Variants in HMCN2 observed in about 807,000 individuals in gnomAD.
The protein encoded by HMCN2 is hemicentin-2.
HMCN2 carries 325 observed loss-of-function variants against 377.5 expected under a neutral mutation model. The observed-to-expected ratio is 0.86, with a 90% CI of 0.79 to 0.94. The LOEUF is 0.94. Among genes scored for constraint, HMCN2 ranks in the 40% least tolerant of loss-of-function variants. HMCN2 has a pLI of 0.00. For missense variants in HMCN2, 4,543 were observed against 4,725.3 expected (o/e 0.96, Z 1.13); for synonymous variants, 2,007 against 2,046.8 (o/e 0.98, Z 0.53).
At chr9:130,290,876 A>C (rs978081401) in intron 4 of HMCN2, among the ~76,000 whole-genome samples, 9 of 152,040 alleles carry the variant, frequency 5.9e-5, no homozygotes, top group African/African-American at 1.9e-4. Context: ...AAAAAAAAAA[A>C]AAAACAAAAA....
chr9:130,356,090 G>A lies in HMCN2; in HGVS notation c.5258G>A (p.Trp1753Ter), dbSNP rs1247375888. Residue 1753 changes from tryptophan to a stop codon, truncating the protein, a stop_gained and splice_region_variant, in exon 34 of 98, where the codon TGG (tryptophan) becomes TAG (stop). Transcript: ENST00000683500. LOFTEE classifies it high-confidence loss of function. Reference sequence around the variant, plus strand: ...GCCCCCCTCCCTACTCACCTTAGGTGGCTGCAGAATGGCCGCCCAGCCGAG... The same window carrying A: ...GCCCCCCTCCCTACTCACCTTAGGTAGCTGCAGAATGGCCGCCCAGCCGAG... ...ASGSPVPTIQ[W>*]LQNGRPAEEL... 12 of 1,284,844 alleles carry A rather than the reference G, an allele frequency of 9.3e-6. No homozygotes were observed. Among genetic ancestry groups the A allele is most frequent in the Non-Finnish European group, 1.1e-5 (11 of 982,560 alleles). The allele number at this position is 1,284,844 out of a possible 1,614,324, so 79.6% of individuals were successfully genotyped here. A position where few individuals can be genotyped will look rare whatever the true frequency, so the allele number is the denominator to read the frequency against.
In HMCN2 at chr9:130,359,380, C is replaced by A. The variant is rs1169909952; in HGVS notation, c.5739C>A (p.Thr1913=). 1 of 1,303,874 alleles carries A rather than the reference C, an allele frequency of 7.7e-7. No individual in the cohort carries two copies. Among genetic ancestry groups the A allele is most frequent in the Non-Finnish European group, 1.0e-6 (1 of 988,500 alleles). 80.8% of individuals were successfully genotyped at this position (1,303,874 alleles called of 1,614,324 possible). A position where few individuals can be genotyped will look rare whatever the true frequency, so the allele number is the denominator to read the frequency against. Reference sequence around the variant, plus strand: ...CAGTGCTGGAAAATGCCTCAGTGACCTTGGAGTGTCTGGCTTCGGGCGTGC... The same window carrying A: ...CAGTGCTGGAAAATGCCTCAGTGACATTGGAGTGTCTGGCTTCGGGCGTGC... ...NKAVLENASV[T]LECLASGVPP... The change falls in exon 37 of 98, where the codon ACC becomes ACA. Residue 1913 remains threonine (T), a synonymous_variant. Transcript: ENST00000683500.
At chr9:130,383,444 G>C (rs926504821) in intron 56 of HMCN2, 60 bp from the exon 57 acceptor site, 7 of 766,240 alleles carry the variant, frequency 9.1e-6, no homozygotes, top group Non-Finnish European at 1.1e-5. Flanking sequence ...GTCATTCCTG[G>C]GGGTGGTGGT....
intron 85 of HMCN2, 114 bp from the exon 86 acceptor site, chr9:130,418,656 TTC>T: frequency 1.1e-6 from 1 of 876,914 alleles, no homozygotes; most frequent in East Asian, 2.9e-5. Flanking sequence ...TCCTATGCAG[TTC>T]TTATTTTCTT....
intron 77 of HMCN2, 118 bp downstream of exon 77, chr9:130,401,065 C>T: frequency 1.5e-5 from 14 of 912,092 alleles, no homozygotes; most frequent in Non-Finnish European, 2.0e-5. Flanking sequence ...CACTGCCTCT[C>T]CTGGCTGTGT....
rs35719589 is a variant in HMCN2 at position 130,411,598 on chromosome 9, C to CAA, written c.12961+965_12961+966dup. On this transcript the variant is annotated intron_variant, in intron 85 of 97. Coordinates refer to ENST00000683500, the MANE Select transcript of HMCN2 (RefSeq NM_001291815.2). ...CTGGTTGACAGGCAAGACTCAATCT[C>CAA]AAAAAAAAAAAAAAAAAAAAGAACA... is the stretch of plus-strand genomic sequence containing the variant. Among the ~76,000 whole-genome samples the CAA allele has an allele frequency of 9.4e-3, 917 of 97,072 alleles. 21 individuals are homozygous for CAA. Among genetic ancestry groups the CAA allele is most frequent in the East Asian group, 0.03 (109 of 3,614 alleles). The allele number at this position is 97,072 out of a possible 152,430, so 63.7% of individuals were successfully genotyped here. A position where few individuals can be genotyped will look rare whatever the true frequency, so the allele number is the denominator to read the frequency against.
Position 130,422,861 on chromosome 9 carries a change from G to T in HMCN2, c.13381+135G>T, listed in dbSNP as rs143146152. The T allele has an allele frequency of 2.9e-4, 202 of 688,376 alleles. No individual in the cohort carries two copies. The African/African-American group carries it at 3.5e-3, about 12-fold the overall frequency. 42.6% of individuals were successfully genotyped at this position (688,376 alleles called of 1,614,324 possible). A position where few individuals can be genotyped will look rare whatever the true frequency, so the allele number is the denominator to read the frequency against. On this transcript the variant is annotated intron_variant, in intron 87 of 97. Coordinates refer to ENST00000683500, the MANE Select transcript of HMCN2 (RefSeq NM_001291815.2). The surrounding 1 kb of genome is among the most constrained non-coding windows in gnomAD (Gnocchi z 4.2). The stretch of plus-strand genomic sequence containing the variant: ...GCTCAAGGCCTGATGACCAGAGCAC[G>T]TCTGACCATCTCTCAAAGCTGAGTG...
Position 130,391,115 on chromosome 9 carries a change from T to C in HMCN2, c.9662T>C (p.Val3221Ala), listed in dbSNP as rs560874527. Residue 3221 changes from valine (V) to alanine (A), a missense_variant, in exon 63 of 98, where the codon GTG (valine) becomes GCG (alanine). By Grantham distance (64) the Val-to-Ala change is moderately conservative. This residue lies in a region of HMCN2 where 736 missense variants were observed against 773.2 expected (regional missense o/e 0.95). Transcript: ENST00000683500. The stretch of plus-strand genomic sequence containing the variant: ...GCCCGCAAGGACTTCGTGGTAGCAG[T>C]GCTGGGTAGGTCTGCGCCTGCACCC... ...AEARKDFVVAVLVAPRIRSSG... is the reference protein window; with the variant it reads ...AEARKDFVVAALVAPRIRSSG... 5.4e-5 allele frequency: 53 copies of C among 987,834 alleles called. No individual in the cohort carries two copies. Among genetic ancestry groups the C allele is most frequent in the Middle Eastern group, 5.6e-4 (2 of 3,546 alleles). The allele number at this position is 987,834 out of a possible 1,614,324, so 61.2% of individuals were successfully genotyped here.
chr9:130,420,840 G>C (rs1843966036), intron 86 of HMCN2, among the ~76,000 whole-genome samples: 1 of 152,082 alleles, frequency 6.6e-6, no homozygotes, highest in South Asian at 2.1e-4. Flanking sequence ...GGTCCTGGGG[G>C]TTAAGACTTC....
At chr9:130,377,886 T>C (rs1841479986) in intron 53 of HMCN2, 87 bp downstream of exon 53, 1 of 935,620 alleles carries the variant, frequency 1.1e-6, no homozygotes, top group African/African-American at 1.8e-5. Context: ...CCACCATGTG[T>C]CCTGCAGCTC....
chr9:130,315,538 G>T (rs1837523409), intron 15 of HMCN2, among the ~76,000 whole-genome samples: 8 of 150,688 alleles, frequency 5.3e-5, no homozygotes, highest in Non-Finnish European at 1.2e-4. Flanking sequence ...GGGGGTTGAG[G>T]CTGGAGGCAG....
At chr9:130,267,364 A>C (rs1834162562) in intron 1 of HMCN2, among the ~76,000 whole-genome samples, 1 of 150,824 alleles carries the variant, frequency 6.6e-6, no homozygotes, top group Admixed American at 6.6e-5. Flanking sequence ...ACATCTCTCT[A>C]TCATTCACCC....
chr9:130,346,619 T>C (rs1839406920), intron 25 of HMCN2, among the ~76,000 whole-genome samples: 4 of 151,890 alleles, frequency 2.6e-5, no homozygotes, highest in Non-Finnish European at 5.9e-5. Flanking sequence ...CAACGCAGGG[T>C]GCTGGAGCAC....
chr9:130,376,912 C>CTCAG (rs1841416205), intron 52 of HMCN2, among the ~76,000 whole-genome samples: 1 of 150,876 alleles, frequency 6.6e-6, no homozygotes, highest in Non-Finnish European at 1.5e-5. Flanking sequence ...TTCTCCCTGC[C>CTCAG]TCAGCCTCCT....
At chr9:130,384,612 G>A (rs1327861808) in intron 58 of HMCN2, 73 bp from the exon 59 acceptor site, 9 of 1,300,162 alleles carry the variant, frequency 6.9e-6, no homozygotes, top group South Asian at 3.7e-5. Context: ...GGACAGGGCC[G>A]TCAGTCGTGC....
intron 23 of HMCN2, among the ~76,000 whole-genome samples, chr9:130,340,211 G>C (rs1175447871): frequency 6.6e-6 from 1 of 152,268 alleles, no homozygotes; most frequent in Non-Finnish European, 1.5e-5. Context: ...CCACAGCCAG[G>C]GGGAGGGAAG....
chr9:130,333,408 T>G (rs924419349), intron 22 of HMCN2, among the ~76,000 whole-genome samples: 11 of 152,144 alleles, frequency 7.2e-5, no homozygotes, highest in Admixed American at 1.3e-4. Flanking sequence ...TGCCCTTTGG[T>G]CTCTCTGGGC....
At chr9:130,286,422 C>T in intron 4 of HMCN2, 112 bp downstream of exon 4, 1 of 421,008 alleles carries the variant, frequency 2.4e-6, no homozygotes, top group Non-Finnish European at 4.9e-6. Context: ...TCCAGAGATG[C>T]AGGGACATCT....
chr9:130,394,703 G>A lies in HMCN2; in HGVS notation c.10692+128G>A. 1.1e-5 allele frequency: 8 copies of A among 757,910 alleles called. No homozygotes were observed. The highest frequency in any genetic ancestry group is 1.5e-5 in the Non-Finnish European group (8 of 544,460). The allele number at this position is 757,910 out of a possible 1,614,324, so 46.9% of individuals were successfully genotyped here. Reference sequence around the variant, plus strand: ...CACCTCCTCTGTGTGGGGTGTGAGGGTGTGGAGGTGACCCACCTTGGCCGT... The same window carrying A: ...CACCTCCTCTGTGTGGGGTGTGAGGATGTGGAGGTGACCCACCTTGGCCGT... On this transcript the variant is annotated intron_variant, in intron 69 of 97. Coordinates refer to ENST00000683500, the MANE Select transcript of HMCN2 (RefSeq NM_001291815.2). The surrounding 1 kb of genome is among the most constrained non-coding windows in gnomAD (Gnocchi z 5.1).
Sources: allele counts gnomAD v4.1 joint callset (sites outside exome capture counted in the v4.1 genomes callset), GRCh38; gene constraint gnomAD v4.1.1; regional missense constraint gnomAD v4.1.1; non-coding constraint Gnocchi (gnomAD v3.1); transcripts MANE v1.5; gene names NCBI Gene and HGNC (gene_info 2026-07-23, HGNC 2026-07-21).